Variants in GRM4 observed in about 807,000 individuals in gnomAD.
The protein encoded by GRM4 is glutamate metabotropic receptor 4.
Under a neutral mutation model 81.7 loss-of-function variants are expected in GRM4, and 28 were observed. That is an observed-to-expected ratio of 0.34 (90% CI 0.25 to 0.47). The LOEUF (loss-of-function observed/expected upper bound fraction) is 0.47. Among genes scored for constraint, GRM4 ranks in the 20% least tolerant of loss-of-function variants. The pLI, the probability that GRM4 is intolerant of heterozygous loss-of-function variation, is 1.00. For synonymous variants in GRM4, 488 were observed against 528.8 expected (o/e 0.92, Z 1.06); for missense variants, 948 against 1,290.0 (o/e 0.73, Z 4.06).
At chr6:34,135,201 T>G (rs533209412) in intron 1 of GRM4, among the ~76,000 whole-genome samples, 1 of 152,254 alleles carries the variant, frequency 6.6e-6, no homozygotes, top group South Asian at 2.1e-4. Flanking sequence ...CCCTCCCCCG[T>G]CATTCCCCCT....
rs1565361 is a variant in GRM4, at chr6:34,089,248, C to A, written c.736+2635G>T. 1.3e-5 allele frequency among the ~76,000 whole-genome samples: 2 copies of A among 151,972 alleles called. No individual in the cohort carries two copies. The highest frequency in any genetic ancestry group is 2.4e-5 in the African/African-American group (1 of 41,332). On this transcript the variant is annotated intron_variant, in intron 3 of 10. Transcript: ENST00000538487. This position sits in a 1 kb window ranked among gnomAD's most constrained non-coding sequence, Gnocchi z 4.3. ...CACAGATGATTTATACTTCAGAGTACGAATCAATACAATATACGGCCAAAG... is the reference window on the plus strand; with the variant it reads ...CACAGATGATTTATACTTCAGAGTAAGAATCAATACAATATACGGCCAAAG...
chr6:34,026,269 G>A (rs1038753794), intron 10 of GRM4, among the ~76,000 whole-genome samples: 4 of 152,092 alleles, frequency 2.6e-5, no homozygotes, highest in African/African-American at 9.7e-5. Context: ...CCTCCATCCG[G>A]CTGTCCCCAG....
chr6:34,119,535 G>A (rs1196730168), intron 2 of GRM4, among the ~76,000 whole-genome samples: 1 of 152,196 alleles, frequency 6.6e-6, no homozygotes, highest in African/African-American at 2.4e-5. Context: ...CACCAGCCCT[G>A]CCCCTCTCTG....
chr6:34,119,326 G>A (rs1263382046), intron 2 of GRM4, among the ~76,000 whole-genome samples: 4 of 152,188 alleles, frequency 2.6e-5, no homozygotes, highest in Admixed American at 6.5e-5. Context: ...AAACCAGGAG[G>A]CGAAGGTTGC....
chr6:34,103,472 C>T lies in GRM4; in HGVS notation c.520-11373G>A, dbSNP rs112661215. 8.1e-3 allele frequency: 6,650 copies of T among 824,658 alleles called. 130 individuals are homozygous for T. The highest frequency in any genetic ancestry group is 0.059 in the African/African-American group (3,532 of 59,612). The allele number at this position is 824,658 out of a possible 1,614,324, so 51.1% of individuals were successfully genotyped here. A position where few individuals can be genotyped will look rare whatever the true frequency, so the allele number is the denominator to read the frequency against. On this transcript the variant is annotated intron_variant, in intron 2 of 10. Coordinates refer to ENST00000538487, the MANE Select transcript of GRM4 (RefSeq NM_000841.4). Reference sequence around the variant, plus strand: ...TCAGAGGCAGGGCCGCAGATAAGAGCGCCCGAGAGAGCAGGCGGGGGCGGC... The same window carrying T: ...TCAGAGGCAGGGCCGCAGATAAGAGTGCCCGAGAGAGCAGGCGGGGGCGGC...
intron 1 of GRM4, among the ~76,000 whole-genome samples, chr6:34,140,774 T>C (rs1427358425): frequency 1.3e-5 from 2 of 152,246 alleles, no homozygotes; most frequent in East Asian, 1.9e-4. Context: ...CAGCTGTTAC[T>C]ATTTTGGCCT....
In GRM4 at chr6:34,146,006, G is replaced by A; in HGVS notation, c.-370C>T. 1 of 985,418 alleles carries A rather than the reference G, an allele frequency of 1.0e-6. No homozygotes were observed. The highest frequency in any genetic ancestry group is 1.2e-6 in the Non-Finnish European group (1 of 829,972). The allele number at this position is 985,418 out of a possible 1,614,324, so 61.0% of individuals were successfully genotyped here. On this transcript the variant is annotated 5_prime_UTR_variant, in exon 1 of 11. Coordinates refer to ENST00000538487, the MANE Select transcript of GRM4 (RefSeq NM_000841.4). ...CGCGTGCCAGCTCACCTACCCCGAG[G>A]ACATGGCGGGGACCCCTTCTCACCC... is the stretch of plus-strand genomic sequence containing the variant.
intron 10 of GRM4, among the ~76,000 whole-genome samples, chr6:34,023,415 G>A (rs954511962): frequency 6.6e-6 from 1 of 152,206 alleles, no homozygotes; most frequent in Non-Finnish European, 1.5e-5. Flanking sequence ...GGAAGAGAGT[G>A]GGGAACAGGG....
At chr6:34,101,995 G>T in intron 2 of GRM4, 1 of 1,534,986 alleles carries the variant, frequency 6.5e-7, no homozygotes, top group Non-Finnish European at 8.7e-7. Flanking sequence ...TAGTGGCCAG[G>T]TCAGGGCCTC....
intron 3 of GRM4, among the ~76,000 whole-genome samples, chr6:34,071,449 A>AT (rs1766834674): frequency 4.0e-5 from 5 of 123,670 alleles, no homozygotes; most frequent in Non-Finnish European, 8.7e-5. Context: ...CACCACACAC[A>AT]CACATCACCA....
At chr6:34,031,535 C>T (rs965335319) in intron 9 of GRM4, among the ~76,000 whole-genome samples, 5 of 152,194 alleles carry the variant, frequency 3.3e-5, no homozygotes, top group Non-Finnish European at 5.9e-5. Context: ...CTGCCTTGTG[C>T]TTCTGCCGGC....
At chr6:34,098,044 C>T (rs952289281) in intron 2 of GRM4, among the ~76,000 whole-genome samples, 2 of 152,234 alleles carry the variant, frequency 1.3e-5, no homozygotes, top group African/African-American at 4.8e-5. Flanking sequence ...GACCCAGCTT[C>T]GCTATCCAAC....
At chr6:34,110,001 G>A (rs965059702) in intron 2 of GRM4, among the ~76,000 whole-genome samples, 1 of 152,114 alleles carries the variant, frequency 6.6e-6, no homozygotes, top group South Asian at 2.1e-4. Context: ...AGACACACGG[G>A]GGACACAGGT....
At chr6:34,043,480 C>G (rs1362491894) in intron 6 of GRM4, among the ~76,000 whole-genome samples, 2 of 152,186 alleles carry the variant, frequency 1.3e-5, no homozygotes, top group East Asian at 1.9e-4. Flanking sequence ...TTGACTCCCC[C>G]ACAGCTCCCA....
intron 1 of GRM4, among the ~76,000 whole-genome samples, chr6:34,143,746 G>T (rs1272666134): frequency 6.6e-6 from 1 of 152,206 alleles, no homozygotes; most frequent in Non-Finnish European, 1.5e-5. Context: ...TCCACCATTG[G>T]CTGGCCCCGG....
rs1338200982 is a variant in GRM4 at position 34,121,956 on chromosome 6, T to C, written c.519+11022A>G. Among the ~76,000 whole-genome samples the C allele has an allele frequency of 7.2e-6, 1 of 139,392 alleles. No homozygotes were observed. Among genetic ancestry groups the C allele is most frequent in the Non-Finnish European group, 1.5e-5 (1 of 65,154 alleles). The allele number at this position is 139,392 out of a possible 152,430, so 91.4% of individuals were successfully genotyped here. On this transcript the variant is annotated intron_variant, in intron 2 of 10. Coordinates refer to ENST00000538487, the MANE Select transcript of GRM4 (RefSeq NM_000841.4). This position sits in a 1 kb window ranked among gnomAD's most constrained non-coding sequence, Gnocchi z 4.6. ...TGGTGGGATTGAGGGGCACCCTGAG[T>C]CGGAGGGAGGGGTCTGGGTGGGGCG... is the stretch of plus-strand genomic sequence containing the variant.
chr6:34,046,425 G>T (rs1765365647), intron 6 of GRM4, among the ~76,000 whole-genome samples: 1 of 152,220 alleles, frequency 6.6e-6, no homozygotes, highest in African/African-American at 2.4e-5. Context: ...AGATGCTGAG[G>T]AGGAGTTGAG....
At chr6:34,149,972 G>A (rs1224148144), upstream of GRM4, among the ~76,000 whole-genome samples, 1 of 152,148 alleles carries the variant, frequency 6.6e-6, no homozygotes, top group Non-Finnish European at 1.5e-5. Flanking sequence ...TGCACTGCAG[G>A]AAGGCCAGCC....
chr6:34,080,832 A>C lies in GRM4; in HGVS notation c.736+11051T>G, dbSNP rs554543787. On this transcript the variant is annotated intron_variant, in intron 3 of 10. Coordinates refer to ENST00000538487, the MANE Select transcript of GRM4 (RefSeq NM_000841.4). The surrounding 1 kb of genome is among the most constrained non-coding windows in gnomAD (Gnocchi z 5.4). The stretch of plus-strand genomic sequence containing the variant: ...CTTCTCTCTTCTCTCTCTCTCTCTC[A>C]CACACACACACACATACACACACAC... 1.6e-5 allele frequency among the ~76,000 whole-genome samples: 2 copies of C among 128,160 alleles called. No individual in the cohort carries two copies. The highest frequency in any genetic ancestry group is 7.6e-5 in the African/African-American group (2 of 26,186). 84.1% of individuals were successfully genotyped at this position (128,160 alleles called of 152,430 possible). A position where few individuals can be genotyped will look rare whatever the true frequency, so the allele number is the denominator to read the frequency against.
Sources: allele counts gnomAD v4.1 joint callset (sites outside exome capture counted in the v4.1 genomes callset), GRCh38; gene constraint gnomAD v4.1.1; non-coding constraint Gnocchi (gnomAD v3.1); transcripts MANE v1.5; gene names NCBI Gene and HGNC (gene_info 2026-07-23, HGNC 2026-07-21).